The following ITPR1 variants were observed in gnomAD, a reference collection of about 807,000 sequenced individuals.
ITPR1 encodes inositol 1,4,5-trisphosphate receptor type 1, also known as inositol 1,4,5-trisphosphate-gated calcium channel ITPR1.
ITPR1 carries 96 observed loss-of-function variants against 318.4 expected under a neutral mutation model. The observed-to-expected ratio is 0.30, with a 90% CI of 0.26 to 0.36. ITPR1 has a LOEUF of 0.36. ITPR1 is among the 10% of genes least tolerant of loss of function. The pLI, the probability that ITPR1 is intolerant of heterozygous loss-of-function variation, is 1.00. For synonymous variants in ITPR1, 1,312 were observed against 1,289.9 expected, an observed-to-expected ratio of 1.02 and a Z score of -0.37; for missense variants, 2,440 against 3,460.2, an observed-to-expected ratio of 0.71 and a Z score of 7.40.
At chr3:4,712,840 C>T (rs1477099334) in intron 39 of ITPR1, among the ~76,000 whole-genome samples, 1 of 152,188 alleles carries the variant, frequency 6.6e-6, no homozygotes, top group Non-Finnish European at 1.5e-5. Flanking sequence ...TTAGTTTATA[C>T]CACGGGGCAT....
At chr3:4,537,049 A>C (rs1401389674) in intron 4 of ITPR1, among the ~76,000 whole-genome samples, 2 of 152,228 alleles carry the variant, frequency 1.3e-5, no homozygotes, top group African/African-American at 4.8e-5. Context: ...GAGTACTGTC[A>C]GCAGCCTACG....
chr3:4,749,762 A>G (rs922357495), intron 44 of ITPR1: 1 of 152,660 alleles, frequency 6.6e-6, no homozygotes, highest in Admixed American at 6.5e-5. Context: ...TTGTAGCATC[A>G]ACAGGTTAGA....
rs950421561 is a variant in ITPR1 at position 4,690,658 on chromosome 3, A to G, written c.3829-486A>G. Among the ~76,000 whole-genome samples the G allele has an allele frequency of 2.0e-5, 3 of 152,230 alleles. No individual in the cohort carries two copies. The East Asian group carries it at 5.8e-4, about 29-fold the overall frequency. ...AATGTTCACAGCAACTCTAGTATTTATAATACTAGGAATGTTACTATCTAT... is the reference window on the plus strand; with the variant it reads ...AATGTTCACAGCAACTCTAGTATTTGTAATACTAGGAATGTTACTATCTAT... On this transcript the variant is annotated intron_variant, in intron 31 of 61. Coordinates refer to ENST00000649015, the MANE Select transcript of ITPR1 (RefSeq NM_001378452.1).
chr3:4,662,178 A>G lies in ITPR1; in HGVS notation c.1348A>G (p.Ser450Gly), dbSNP rs1478922572. 6.2e-7 allele frequency: 1 copy of G among 1,613,584 alleles called. No homozygotes were observed. Among genetic ancestry groups the G allele is most frequent in the East Asian group, 2.2e-5 (1 of 44,862 alleles). ...VRDLDFANDA[S>G]KVLGSIAGKL... ...GGACCTGGACTTTGCCAATGATGCC[A>G]GCAAGGTGCTGGGCTCCATTGCTGG... is the stretch of plus-strand genomic sequence containing the variant. The change falls in exon 15 of 62, where the codon AGC (serine) becomes GGC (glycine). Residue 450 changes from serine to glycine, a missense_variant. This residue lies in a region of ITPR1 where 478 missense variants were observed against 696.3 expected (regional missense o/e 0.69). Coordinates refer to ENST00000649015, the MANE Select transcript of ITPR1 (RefSeq NM_001378452.1).
chr3:4,690,604 G>T (rs1316377829), intron 31 of ITPR1, among the ~76,000 whole-genome samples: 1 of 152,170 alleles, frequency 6.6e-6, no homozygotes, highest in Non-Finnish European at 1.5e-5. Context: ...AGAAGTATGG[G>T]TTTAAGTTCA....
chr3:4,585,746 CT>C (rs374840135), intron 4 of ITPR1, among the ~76,000 whole-genome samples: 7,167 of 149,676 alleles, frequency 0.048, 267 homozygotes, highest in East Asian at 0.14. Flanking sequence ...CTAACATGCA[CT>C]TTTTTTTTTA....
At chr3:4,740,801 C>G in intron 44 of ITPR1, among the ~76,000 whole-genome samples, 1 of 152,164 alleles carries the variant, frequency 6.6e-6, no homozygotes. Context: ...GTACCACAGC[C>G]CGTGGATTTT....
intron 21 of ITPR1, 135 bp from the exon 22 acceptor site, chr3:4,674,067 A>G: frequency 1.5e-6 from 1 of 646,880 alleles, no homozygotes; most frequent in Non-Finnish European, 2.6e-6. Context: ...ATATATGCTA[A>G]GGAGGGAAAA....
At chr3:4,741,437 C>A (rs528553304) in intron 44 of ITPR1, among the ~76,000 whole-genome samples, 1 of 152,114 alleles carries the variant, frequency 6.6e-6, no homozygotes, top group Non-Finnish European at 1.5e-5. Flanking sequence ...CTTTTCTGCA[C>A]GTAAGCAGCT....
Position 4,826,694 on chromosome 3 carries a change from C to T in ITPR1, c.8028+8452C>T, listed in dbSNP as rs1401724398. On this transcript the variant is annotated intron_variant, in intron 60 of 61. Coordinates refer to ENST00000649015, the MANE Select transcript of ITPR1 (RefSeq NM_001378452.1). The surrounding 1 kb of genome is among the most constrained non-coding windows in gnomAD (Gnocchi z 4.2). Reference sequence around the variant, plus strand: ...CTTTAGTCTAGGGAGGATGAAATCACCCCTTGTTCCGTGCAGCACTTCACT... The same window carrying T: ...CTTTAGTCTAGGGAGGATGAAATCATCCCTTGTTCCGTGCAGCACTTCACT... Among the ~76,000 whole-genome samples, 1 of 152,234 alleles carries T rather than the reference C, an allele frequency of 6.6e-6. No individual in the cohort carries two copies. Among genetic ancestry groups the T allele is most frequent in the Non-Finnish European group, 1.5e-5 (1 of 68,042 alleles).
chr3:4,595,194 A>T (rs892404518), intron 4 of ITPR1, among the ~76,000 whole-genome samples: 1 of 152,192 alleles, frequency 6.6e-6, no homozygotes, highest in Non-Finnish European at 1.5e-5. Flanking sequence ...ATTAGAAAAG[A>T]GGTTTAATTA....
At chr3:4,730,933 G>A (rs552900249) in intron 42 of ITPR1, among the ~76,000 whole-genome samples, 7 of 152,260 alleles carry the variant, frequency 4.6e-5, no homozygotes, top group African/African-American at 1.2e-4. Context: ...CAGCCATCTA[G>A]CGCTCAAACA....
In ITPR1 at chr3:4,710,811, A is replaced by G. The variant is rs149105062; in HGVS notation, c.4991+338A>G. On this transcript the variant is annotated intron_variant, in intron 38 of 61. Coordinates refer to ENST00000649015, the MANE Select transcript of ITPR1 (RefSeq NM_001378452.1). This position sits in a 1 kb window ranked among gnomAD's most constrained non-coding sequence, Gnocchi z 4.2. ...CTCAGCCCTCAGAAATCTCAGATCT[A>G]TCGTGACCTCACCATCTTTTCCTAA... 1.4e-4 allele frequency among the ~76,000 whole-genome samples: 21 copies of G among 152,346 alleles called. No individual in the cohort carries two copies. The highest frequency in any genetic ancestry group is 4.6e-4 in the African/African-American group (19 of 41,574).
chr3:4,843,815 GAAGTGA>G (rs1046390027), intron 61 of ITPR1, among the ~76,000 whole-genome samples: 4 of 152,116 alleles, frequency 2.6e-5, no homozygotes, highest in Non-Finnish European at 4.4e-5. Flanking sequence ...CGCGGCTGTG[GAAGTGA>G]AAAGGAAGCC....
chr3:4,500,820 G>A (rs1354266822), intron 2 of ITPR1, among the ~76,000 whole-genome samples: 1 of 152,070 alleles, frequency 6.6e-6, no homozygotes, highest in African/African-American at 2.4e-5. Flanking sequence ...CCCACTAAGA[G>A]GTTGTTAAAT....
intron 2 of ITPR1, among the ~76,000 whole-genome samples, chr3:4,508,001 A>G (rs963396395): frequency 2.6e-5 from 4 of 152,154 alleles, no homozygotes; most frequent in Non-Finnish European, 5.9e-5. Context: ...TTTCACTGTT[A>G]AGGTAATTGT....
intron 44 of ITPR1, among the ~76,000 whole-genome samples, chr3:4,743,618 A>G (rs1442634016): frequency 1.3e-5 from 2 of 152,164 alleles, no homozygotes; most frequent in African/African-American, 4.8e-5. Flanking sequence ...CTTCCAGAGG[A>G]GCTGGAGACC....
intron 4 of ITPR1, among the ~76,000 whole-genome samples, chr3:4,598,091 A>T (rs2090990534): frequency 1.3e-5 from 2 of 152,212 alleles, no homozygotes; most frequent in South Asian, 4.1e-4. Context: ...GCACCTATGC[A>T]GGGTCTATGG....
chr3:4,681,526 G>A, intron 26 of ITPR1, 108 bp downstream of exon 26: 3 of 783,730 alleles, frequency 3.8e-6, no homozygotes, highest in Non-Finnish European at 6.5e-6. Flanking sequence ...GGCTTAGGTT[G>A]TTTTGGTGCT....
Sources: allele counts gnomAD v4.1 joint callset (sites outside exome capture counted in the v4.1 genomes callset), GRCh38; gene constraint gnomAD v4.1.1; regional missense constraint gnomAD v4.1.1; non-coding constraint Gnocchi (gnomAD v3.1); transcripts MANE v1.5; gene names NCBI Gene and HGNC (gene_info 2026-07-23, HGNC 2026-07-21).